The following PDZRN4 variants were observed in gnomAD, a reference collection of about 807,000 sequenced individuals.
PDZRN4 encodes PDZ domain-containing RING finger protein 4.
Under a neutral mutation model 99.0 loss-of-function variants are expected in PDZRN4, and 70 were observed. The observed-to-expected ratio is 0.71, with a 90% confidence interval of 0.58 to 0.86. The LOEUF (loss-of-function observed/expected upper bound fraction) is 0.86. Among genes scored for constraint, PDZRN4 ranks in the 40% least tolerant of loss-of-function variants. PDZRN4 has a pLI of 0.00. For synonymous variants in PDZRN4, 551 were observed against 501.6 expected (o/e 1.10, Z -1.32); for missense variants, 1,474 against 1,331.2 (o/e 1.11, Z -1.67).
chr12:41,477,837 A>C lies in PDZRN4; in HGVS notation c.844-28619A>C, dbSNP rs745557520. On this transcript the variant is annotated intron_variant, in intron 3 of 9. Transcript: ENST00000402685. ...TAATGATTTTGATTATGAAATGCTT[A>C]TCTTTGGATTTTTCTTGCATTTTTC... The C allele has an allele frequency of 1.2e-5, 17 of 1,431,270 alleles. No homozygotes were observed. In the African/African-American group the frequency reaches 1.8e-4, roughly 15 times the overall value. 88.7% of individuals were successfully genotyped at this position (1,431,270 alleles called of 1,614,324 possible).
At chr12:41,360,119 C>T (rs573364594) in intron 3 of PDZRN4, among the ~76,000 whole-genome samples, 1 of 152,080 alleles carries the variant, frequency 6.6e-6, no homozygotes, top group East Asian at 1.9e-4. Context: ...GCTCCATGAA[C>T]ATAGAAACCA....
At chr12:41,449,119 A>C (rs763835137) in intron 3 of PDZRN4, among the ~76,000 whole-genome samples, 1 of 152,120 alleles carries the variant, frequency 6.6e-6, no homozygotes, top group Admixed American at 6.6e-5. Flanking sequence ...ACACTAAGCT[A>C]TTCTTTCTTT....
chr12:41,321,398 A>G (rs1951676517), intron 3 of PDZRN4, among the ~76,000 whole-genome samples: 1 of 152,168 alleles, frequency 6.6e-6, no homozygotes, highest in African/African-American at 2.4e-5. Context: ...GTAATTTATA[A>G]TATTGTGCAG....
chr12:41,532,206 A>C (rs1938672981), intron 5 of PDZRN4, among the ~76,000 whole-genome samples: 1 of 151,980 alleles, frequency 6.6e-6, no homozygotes, highest in African/African-American at 2.4e-5. Flanking sequence ...TGTAGTTATA[A>C]CTCCATCATA....
At chr12:41,345,725 A>G (rs1210821078) in intron 3 of PDZRN4, among the ~76,000 whole-genome samples, 1 of 152,008 alleles carries the variant, frequency 6.6e-6, no homozygotes, top group Non-Finnish European at 1.5e-5. Flanking sequence ...GGATGCATAC[A>G]CCTTTCTTCC....
chr12:41,343,891 TA>T (rs757844711), intron 3 of PDZRN4, among the ~76,000 whole-genome samples: 1 of 152,022 alleles, frequency 6.6e-6, no homozygotes, highest in African/African-American at 2.4e-5. Context: ...ACAAGAAAGT[TA>T]AAAAAAGCAT....
intron 7 of PDZRN4, among the ~76,000 whole-genome samples, chr12:41,556,442 T>C (rs285579): frequency 0.65 from 99,604 of 152,142 alleles, 32,933 homozygotes; most frequent in Middle Eastern, 0.79. Flanking sequence ...AGGTTACAAA[T>C]CTGTACAGCA....
intron 7 of PDZRN4, among the ~76,000 whole-genome samples, chr12:41,559,497 A>C (rs1939229372): frequency 6.6e-6 from 1 of 152,166 alleles, no homozygotes; most frequent in African/African-American, 2.4e-5. Context: ...CTTTCCAAGG[A>C]GTTTCCAAGG....
chr12:41,486,534 T>G (rs1321884749), intron 3 of PDZRN4, among the ~76,000 whole-genome samples: 1 of 152,088 alleles, frequency 6.6e-6, no homozygotes. Context: ...GAATGAGGGT[T>G]TATGATTTCT....
At chr12:41,283,168 A>G (rs768831773) in intron 3 of PDZRN4, among the ~76,000 whole-genome samples, 10 of 152,350 alleles carry the variant, frequency 6.6e-5, no homozygotes, top group Non-Finnish European at 1.0e-4. Flanking sequence ...ACAATAAAAA[A>G]TGATAAAGGG....
In PDZRN4 at chr12:41,188,393, A is replaced by C; in HGVS notation, c.-63A>C. 3 of 1,419,210 alleles carry C rather than the reference A, an allele frequency of 2.1e-6. No individual in the cohort carries two copies. Among genetic ancestry groups the C allele is most frequent in the Non-Finnish European group, 9.3e-7 (1 of 1,077,552 alleles). The allele number at this position is 1,419,210 out of a possible 1,614,324, so 87.9% of individuals were successfully genotyped here. On this transcript the variant is annotated 5_prime_UTR_variant, in exon 1 of 10. Coordinates refer to ENST00000402685, the MANE Select transcript of PDZRN4 (RefSeq NM_001164595.2). ...GGCTGCCCCGGGGGTGGCCCGGGGAAGGCAGGGGGGCTCGGAGAAGACGGA... is the reference window on the plus strand; with the variant it reads ...GGCTGCCCCGGGGGTGGCCCGGGGACGGCAGGGGGGCTCGGAGAAGACGGA...
intron 3 of PDZRN4, among the ~76,000 whole-genome samples, chr12:41,215,813 T>A (rs112138019): frequency 0.017 from 2,586 of 151,420 alleles, 53 homozygotes; most frequent in African/African-American, 0.047. Context: ...CTACCACTTG[T>A]CTTTGAAAAA....
intron 9 of PDZRN4, among the ~76,000 whole-genome samples, chr12:41,569,981 CTT>C (rs1056780881): frequency 6.6e-6 from 1 of 150,836 alleles, no homozygotes; most frequent in Non-Finnish European, 1.5e-5. Flanking sequence ...TTGCTCCAGG[CTT>C]TTTTTTTCTT....
At chr12:41,304,851 C>A (rs2120937262) in intron 3 of PDZRN4, among the ~76,000 whole-genome samples, 1 of 152,230 alleles carries the variant, frequency 6.6e-6, no homozygotes, top group East Asian at 1.9e-4. Context: ...GGAGATGTCA[C>A]AAACTTCCTT....
intron 3 of PDZRN4, among the ~76,000 whole-genome samples, chr12:41,311,875 T>C (rs924316056): frequency 6.6e-6 from 1 of 152,194 alleles, no homozygotes; most frequent in Non-Finnish European, 1.5e-5. Flanking sequence ...CTTAGCTTTA[T>C]AAAAAGTTAT....
At chr12:41,280,399 G>A (rs547168594) in intron 3 of PDZRN4, among the ~76,000 whole-genome samples, 1 of 152,272 alleles carries the variant, frequency 6.6e-6, no homozygotes, top group African/African-American at 2.4e-5. Context: ...GCTGAAGCCA[G>A]GGAGCCAAGT....
At position 41,312,820 on chromosome 12, in the gene PDZRN4, C is replaced by T. The variant is rs558842151; in HGVS notation, c.843+118632C>T. Among the ~76,000 whole-genome samples, 179 of 152,030 alleles carry T rather than the reference C, an allele frequency of 1.2e-3. 1 individual carries two copies. Among genetic ancestry groups the T allele is most frequent in the African/African-American group, 4.0e-3 (165 of 41,484 alleles). Reference sequence around the variant, plus strand: ...TTTGAGTGTGGACACAAAGCCAAACCCTATCACCTTCTTTTCTTCTTTCTC... The same window carrying T: ...TTTGAGTGTGGACACAAAGCCAAACTCTATCACCTTCTTTTCTTCTTTCTC... On this transcript the variant is annotated intron_variant, in intron 3 of 9. Coordinates refer to ENST00000402685, the MANE Select transcript of PDZRN4 (RefSeq NM_001164595.2).
chr12:41,531,831 A>T (rs1938666891), intron 5 of PDZRN4, among the ~76,000 whole-genome samples: 1 of 152,084 alleles, frequency 6.6e-6, no homozygotes, highest in Admixed American at 6.5e-5. Flanking sequence ...TATATTTTAA[A>T]ATCAACTCTT....
chr12:41,233,002 G>A (rs1318508954), intron 3 of PDZRN4, among the ~76,000 whole-genome samples: 2 of 151,892 alleles, frequency 1.3e-5, no homozygotes, highest in Non-Finnish European at 2.9e-5. Context: ...TATTTCTGAG[G>A]GCTCTGTTCT....
Sources: allele counts gnomAD v4.1 joint callset (sites outside exome capture counted in the v4.1 genomes callset), GRCh38; gene constraint gnomAD v4.1.1; transcripts MANE v1.5; gene names NCBI Gene and HGNC (gene_info 2026-07-23, HGNC 2026-07-21).